SRGAP2: variants seen among roughly 807,000 people sequenced by gnomAD.
SRGAP2 encodes SLIT-ROBO Rho GTPase activating protein 2.
A neutral mutation model predicts 57.2 loss-of-function variants in SRGAP2; 15 were observed. That is an observed-to-expected ratio of 0.26 (90% CI 0.18 to 0.40). The LOEUF is 0.40. Ranked by LOEUF, SRGAP2 falls within the 10% of genes least tolerant of loss-of-function variation. The pLI is 1.00. For missense variants in SRGAP2, 520 were observed against 669.6 expected (o/e 0.78, Z 2.47); for synonymous variants, 249 against 248.0 (o/e 1.00, Z -0.04).
chr1:206,247,351 C>T (rs1668556557), intron 2 of SRGAP2, among the ~76,000 whole-genome samples: 1 of 150,148 alleles, frequency 6.7e-6, no homozygotes, highest in African/African-American at 2.4e-5. Flanking sequence ...ACATCTAGGG[C>T]TCCTGACAGT....
At chr1:206,259,282 A>G (rs1435962900) in intron 2 of SRGAP2, among the ~76,000 whole-genome samples, 4 of 149,510 alleles carry the variant, frequency 2.7e-5, no homozygotes, top group Non-Finnish European at 5.9e-5. Context: ...ACTCTCTGCT[A>G]AGGTTGGAAC....
At chr1:206,363,981 A>G (rs1245363543) in intron 4 of SRGAP2, among the ~76,000 whole-genome samples, 3 of 149,672 alleles carry the variant, frequency 2.0e-5, no homozygotes, top group Admixed American at 6.7e-5. Context: ...AAACAATCCT[A>G]CTAGCGGATT....
chr1:206,255,864 T>G (rs1481418632), intron 2 of SRGAP2, among the ~76,000 whole-genome samples: 1 of 151,582 alleles, frequency 6.6e-6, no homozygotes, highest in South Asian at 2.1e-4. Flanking sequence ...ACTGGACTCA[T>G]AGGTGAGTAG....
chr1:206,303,886 TCTCACACA>T (rs1457625425), intron 3 of SRGAP2, among the ~76,000 whole-genome samples: 96 of 132,980 alleles, frequency 7.2e-4, no homozygotes, highest in African/African-American at 2.8e-3. Context: ...TCTCTCTCTC[TCTCACACA>T]CACACACACA....
At chr1:206,424,438 T>G (rs368123212) in intron 13 of SRGAP2, among the ~76,000 whole-genome samples, 1 of 152,178 alleles carries the variant, frequency 6.6e-6, no homozygotes. Context: ...GCGGATCACC[T>G]GAGGTCAGGA....
chr1:206,457,789 C>T (rs999987722), intron 21 of SRGAP2, among the ~76,000 whole-genome samples: 45 of 152,282 alleles, frequency 3.0e-4, no homozygotes, highest in African/African-American at 1.0e-3. Flanking sequence ...CTGCCTCAGC[C>T]CCCATCTCTC....
In SRGAP2 at chr1:206,463,439, C is replaced by T. The variant is rs1664383626; in HGVS notation, c.*2019C>T. On this transcript the variant is annotated 3_prime_UTR_variant, in exon 23 of 23. Coordinates refer to ENST00000573034, the MANE Select transcript of SRGAP2 (RefSeq NM_015326.5). ...GCTGAAAATGAAACCCTATCTTTCA[C>T]TTTACATTCCTTTCAATCCAACTGA... 1 of 152,650 alleles carries T rather than the reference C, an allele frequency of 6.6e-6. No individual in the cohort carries two copies. The highest frequency in any genetic ancestry group is 6.5e-5 in the Admixed American group (1 of 15,282). 9.5% of individuals were successfully genotyped at this position (152,650 alleles called of 1,614,324 possible).
At chr1:206,310,629 GT>G (rs1176288744) in intron 3 of SRGAP2, among the ~76,000 whole-genome samples, 1 of 152,016 alleles carries the variant, frequency 6.6e-6, no homozygotes, top group African/African-American at 2.4e-5. Context: ...CAGCACTTTT[GT>G]TTTTCCATTT....
At chr1:206,275,560 T>TA (rs1215682680) in intron 2 of SRGAP2, among the ~76,000 whole-genome samples, 1 of 131,678 alleles carries the variant, frequency 7.6e-6, no homozygotes, top group Non-Finnish European at 1.6e-5. Flanking sequence ...CTGGAGGGGA[T>TA]ATTCTTCCCT....
chr1:206,441,027 A>G (rs1342801477), intron 17 of SRGAP2, among the ~76,000 whole-genome samples: 1 of 152,134 alleles, frequency 6.6e-6, no homozygotes, highest in African/African-American at 2.4e-5. Context: ...TTTGTGATAC[A>G]TTTTGAACAT....
At chr1:206,290,564 G>T (rs1258319715) in intron 2 of SRGAP2, among the ~76,000 whole-genome samples, 1 of 148,600 alleles carries the variant, frequency 6.7e-6, no homozygotes, top group Admixed American at 6.7e-5. Context: ...ATTGCTTGAG[G>T]CTGGGAGGCA....
intron 20 of SRGAP2, 101 bp downstream of exon 20, chr1:206,453,481 T>TC (rs1663521196): frequency 6.3e-6 from 3 of 476,368 alleles, no homozygotes; most frequent in East Asian, 3.5e-5. Context: ...GGCCAACCCC[T>TC]GGGGGGTCCA....
chr1:206,418,896 G>C (rs1553363173), intron 11 of SRGAP2, among the ~76,000 whole-genome samples: 9,406 of 132,014 alleles, frequency 0.071, 369 homozygotes, highest in African/African-American at 0.1. Context: ...CTCTGTGTGT[G>C]TGTGTGTGTG....
At chr1:206,433,605 C>T (rs1258436842) in intron 14 of SRGAP2, among the ~76,000 whole-genome samples, 1 of 150,518 alleles carries the variant, frequency 6.6e-6, no homozygotes, top group Non-Finnish European at 1.5e-5. Context: ...CACTGCACTC[C>T]AGCCTGAGTG....
chr1:206,228,440 T>G (rs1430238453), intron 2 of SRGAP2, among the ~76,000 whole-genome samples: 2 of 151,638 alleles, frequency 1.3e-5, no homozygotes, highest in African/African-American at 4.8e-5. Context: ...TATCAGCAAA[T>G]TAATTGAAGG....
chr1:206,422,190 A>G (rs1487083221), intron 13 of SRGAP2, among the ~76,000 whole-genome samples: 5 of 152,174 alleles, frequency 3.3e-5, no homozygotes, highest in African/African-American at 1.2e-4. Context: ...AAGAGGGCGC[A>G]TGGTTTTTAT....
chr1:206,239,789 C>A (rs1553308732), intron 2 of SRGAP2, among the ~76,000 whole-genome samples: 1 of 151,606 alleles, frequency 6.6e-6, no homozygotes, highest in African/African-American at 2.4e-5. Flanking sequence ...TACTTTTTAG[C>A]CAGAGGGAGT....
At chr1:206,427,820 T>C (rs1660936741) in intron 13 of SRGAP2, among the ~76,000 whole-genome samples, 3 of 152,284 alleles carry the variant, frequency 2.0e-5, no homozygotes, top group South Asian at 4.1e-4. Context: ...AAAACCCTAC[T>C]GGTTTAGGCC....
chr1:206,303,886 TCTCA>T (rs1240558442), intron 3 of SRGAP2, among the ~76,000 whole-genome samples: 233 of 132,920 alleles, frequency 1.8e-3, no homozygotes, highest in South Asian at 5.1e-3. Context: ...TCTCTCTCTC[TCTCA>T]CACACACACA....
Sources: gnomAD v4.1 joint callset for allele counts (sites outside exome capture counted in the v4.1 genomes callset) on GRCh38, gnomAD v4.1.1 for gene constraint, MANE v1.5 for transcripts, NCBI Gene and HGNC (gene_info 2026-07-23, HGNC 2026-07-21) for gene names.